DLGAP4: variants seen among roughly 807,000 people sequenced by gnomAD.
DLGAP4 encodes disks large-associated protein 4.
In DLGAP4, 18 loss-of-function variants were observed where a neutral mutation model predicts 86.9. That is an observed-to-expected ratio of 0.21 (90% CI 0.14 to 0.31). The LOEUF (loss-of-function observed/expected upper bound fraction) is 0.31. Among genes scored for constraint, DLGAP4 ranks in the 10% least tolerant of loss-of-function variants. The pLI is 1.00. For missense variants in DLGAP4, 1,085 were observed against 1,362.6 expected (o/e 0.80, Z 3.21); for synonymous variants, 548 against 574.3 (o/e 0.95, Z 0.65).
chr20:36,333,220 G>A (rs1266612098), intron 1 of DLGAP4, among the ~76,000 whole-genome samples: 2 of 152,154 alleles, frequency 1.3e-5, no homozygotes, highest in Admixed American at 6.5e-5. Context: ...AGGGTTCAGA[G>A]GGCATCAGGG....
intron 2 of DLGAP4, among the ~76,000 whole-genome samples, chr20:36,396,410 TACAC>T (rs533028500): frequency 1.4e-4 from 2 of 14,512 alleles, no homozygotes; most frequent in Non-Finnish European, 3.1e-4. Flanking sequence ...ACACACCACA[TACAC>T]ACACACACAC....
chr20:36,349,978 C>T (rs1161401703), intron 1 of DLGAP4, among the ~76,000 whole-genome samples: 1 of 152,192 alleles, frequency 6.6e-6, no homozygotes, highest in Non-Finnish European at 1.5e-5. Context: ...AAGGAGCAGC[C>T]CCATCAGGCA....
chr20:36,432,557 T>C lies in DLGAP4; in HGVS notation c.840T>C (p.Leu280=), dbSNP rs550730744. The C allele has an allele frequency of 1.2e-6, 2 of 1,607,424 alleles. No individual in the cohort carries two copies. The highest frequency in any genetic ancestry group is 2.7e-5 in the African/African-American group (2 of 74,376). The part of the protein sequence containing the change: ...PPAPPATCPS[L]GVGTDTNYVK... ...CACCCCCAGCCACCTGCCCCAGCCTTGGGGTGGGCACTGACACCAACTACG... is the reference window on the plus strand; with the variant it reads ...CACCCCCAGCCACCTGCCCCAGCCTCGGGGTGGGCACTGACACCAACTACG... Residue 280 remains leucine, a synonymous_variant, in exon 3 of 13, where the codon CTT becomes CTC. Coordinates refer to ENST00000339266, the MANE Select transcript of DLGAP4 (RefSeq NM_001365621.2). This position sits in a 1 kb window ranked among gnomAD's most constrained non-coding sequence, Gnocchi z 6.5.
chr20:36,470,960 A>G (rs1360426330), intron 7 of DLGAP4, among the ~76,000 whole-genome samples: 2 of 152,186 alleles, frequency 1.3e-5, no homozygotes, highest in Non-Finnish European at 2.9e-5. Context: ...GTCTCCATGC[A>G]CGAGTGCATG....
chr20:36,430,238 C>A (rs1319557145), intron 2 of DLGAP4, among the ~76,000 whole-genome samples: 2 of 152,234 alleles, frequency 1.3e-5, no homozygotes, highest in Non-Finnish European at 2.9e-5. Flanking sequence ...CCTTGCCTTG[C>A]TTGTCCTGAG....
At chr20:36,441,321 C>T (rs1422176202) in intron 5 of DLGAP4, among the ~76,000 whole-genome samples, 1 of 152,148 alleles carries the variant, frequency 6.6e-6, no homozygotes, top group Non-Finnish European at 1.5e-5. Context: ...TCTGCATTTG[C>T]TGTTTCCTCT....
rs150407451 is a variant in DLGAP4 at position 36,344,781 on chromosome 20, A to G, written c.-303-22264A>G. ...TGGGTGTGAGGTCCTATTCAGTGGG[A>G]TGAGACCCTCCACCTCATCTTGGCC... On this transcript the variant is annotated intron_variant, in intron 1 of 12. Coordinates refer to ENST00000339266, the MANE Select transcript of DLGAP4 (RefSeq NM_001365621.2). Among the ~76,000 whole-genome samples the G allele has an allele frequency of 1.1e-3, 169 of 152,288 alleles. 1 individual carries two copies. Among genetic ancestry groups the G allele is most frequent in the South Asian group, 7.5e-3 (36 of 4,820 alleles).
At chr20:36,408,651 C>T (rs2032395913) in intron 2 of DLGAP4, among the ~76,000 whole-genome samples, 2 of 152,360 alleles carry the variant, frequency 1.3e-5, no homozygotes, top group South Asian at 4.1e-4. Context: ...CTGGGCTCAC[C>T]TTTCCCCAGG....
At chr20:36,341,468 C>T (rs572865407) in intron 1 of DLGAP4, among the ~76,000 whole-genome samples, 21 of 152,372 alleles carry the variant, frequency 1.4e-4, no homozygotes, top group African/African-American at 4.8e-4. Context: ...CTGGCACTCA[C>T]TGATATGCAC....
intron 2 of DLGAP4, among the ~76,000 whole-genome samples, chr20:36,415,439 C>T (rs2032624659): frequency 6.6e-6 from 1 of 152,186 alleles, no homozygotes; most frequent in African/African-American, 2.4e-5. Context: ...AGAGACAGTG[C>T]CCGGCCCTGT....
chr20:36,490,639 C>G (rs758997635), intron 7 of DLGAP4, among the ~76,000 whole-genome samples: 48 of 152,150 alleles, frequency 3.2e-4, no homozygotes, highest in Non-Finnish European at 6.3e-4. Flanking sequence ...GCCATGGCTT[C>G]CAGGTTGTCT....
chr20:36,450,334 C>T (rs532023396), intron 7 of DLGAP4, among the ~76,000 whole-genome samples: 1 of 152,200 alleles, frequency 6.6e-6, no homozygotes, highest in East Asian at 1.9e-4. Flanking sequence ...CCTGTCTCTA[C>T]TAAAAATACA....
At chr20:36,492,393 C>T (rs1346420413) in intron 7 of DLGAP4, 1 of 152,414 alleles carries the variant, frequency 6.6e-6, no homozygotes. Flanking sequence ...TCACTTTCCT[C>T]TTACCGAATC....
chr20:36,470,678 A>T (rs1330926175), intron 7 of DLGAP4, among the ~76,000 whole-genome samples: 1 of 152,006 alleles, frequency 6.6e-6, no homozygotes, highest in South Asian at 2.1e-4. Flanking sequence ...ACTCAGCATC[A>T]CGTGCAGCTA....
intron 10 of DLGAP4, among the ~76,000 whole-genome samples, chr20:36,507,400 G>A (rs940595730): frequency 3.3e-5 from 5 of 151,954 alleles, no homozygotes; most frequent in African/African-American, 7.2e-5. Context: ...GCTAATTTTT[G>A]TATTTTTAGT....
At chr20:36,471,951 A>C (rs1011436465) in intron 7 of DLGAP4, among the ~76,000 whole-genome samples, 9 of 152,194 alleles carry the variant, frequency 5.9e-5, no homozygotes, top group Non-Finnish European at 2.9e-5. Context: ...GCTCTGCCCT[A>C]GGTTGCTGAG....
At chr20:36,435,809 G>A (rs1364454197) in intron 3 of DLGAP4, among the ~76,000 whole-genome samples, 2 of 152,206 alleles carry the variant, frequency 1.3e-5, no homozygotes, top group Non-Finnish European at 2.9e-5. Context: ...GTGACTGTGG[G>A]GCTAAGTAGA....
chr20:36,382,250 T>G (rs2031420629), intron 2 of DLGAP4, among the ~76,000 whole-genome samples: 1 of 152,138 alleles, frequency 6.6e-6, no homozygotes, highest in Non-Finnish European at 1.5e-5. Context: ...GATAGAGTCT[T>G]GCTGTCTCTC....
At chr20:36,474,394 AG>A (rs1332468423) in intron 7 of DLGAP4, among the ~76,000 whole-genome samples, 21 of 152,214 alleles carry the variant, frequency 1.4e-4, no homozygotes. Flanking sequence ...GAATCTATCC[AG>A]GGCTGTCAGA....
Sources: allele counts gnomAD v4.1 joint callset (sites outside exome capture counted in the v4.1 genomes callset), GRCh38; gene constraint gnomAD v4.1.1; non-coding constraint Gnocchi (gnomAD v3.1); transcripts MANE v1.5; gene names NCBI Gene and HGNC (gene_info 2026-07-23, HGNC 2026-07-21).